KCNIP3: variants seen among roughly 807,000 people sequenced by gnomAD.
KCNIP3 encodes calsenilin.
In KCNIP3, 28 loss-of-function variants were observed where a neutral mutation model predicts 35.0. The ratio of observed to expected loss-of-function variants is 0.80; its 90% CI spans 0.59 to 1.10. The LOEUF is 1.10. Ranked by LOEUF, KCNIP3 falls within the 50% of genes least tolerant of loss-of-function variation. KCNIP3 has a pLI of 0.00. For missense variants in KCNIP3, 295 were observed against 338.4 expected, an observed-to-expected ratio of 0.87 and a Z score of 1.01; for synonymous variants, 134 against 133.8, an observed-to-expected ratio of 1.00 and a Z score of -0.01.
intron 2 of KCNIP3, among the ~76,000 whole-genome samples, chr2:95,346,063 C>T (rs1679348263): frequency 6.6e-6 from 1 of 152,278 alleles, no homozygotes; most frequent in Admixed American, 6.5e-5. Context: ...AAAGCCCACA[C>T]TTTCCCTAAA....
chr2:95,344,690 A>G (rs548888715), intron 2 of KCNIP3, among the ~76,000 whole-genome samples: 1 of 152,282 alleles, frequency 6.6e-6, no homozygotes, highest in East Asian at 1.9e-4. Context: ...GTCTCATCTG[A>G]CACGTGCCAC....
At chr2:95,350,771 TA>T (rs1156626905) in intron 2 of KCNIP3, among the ~76,000 whole-genome samples, 2 of 152,172 alleles carry the variant, frequency 1.3e-5, no homozygotes, top group Admixed American at 1.3e-4. Context: ...CTGGGAACTT[TA>T]AAAAATACCC....
chr2:95,343,801 T>C (rs950892312), intron 2 of KCNIP3, among the ~76,000 whole-genome samples: 3 of 152,186 alleles, frequency 2.0e-5, no homozygotes, highest in Admixed American at 1.3e-4. Flanking sequence ...GGTTGGCTTC[T>C]TGGAGACAGA....
chr2:95,364,877 G>A (rs1441246119), intron 2 of KCNIP3, among the ~76,000 whole-genome samples: 1 of 152,058 alleles, frequency 6.6e-6, no homozygotes, highest in Non-Finnish European at 1.5e-5. Flanking sequence ...TTGAGCCCAG[G>A]AGTTTGAGAC....
chr2:95,364,821 GA>G (rs1679881011), intron 2 of KCNIP3, among the ~76,000 whole-genome samples: 1 of 152,110 alleles, frequency 6.6e-6, no homozygotes, highest in Non-Finnish European at 1.5e-5. Flanking sequence ...AACCACAAGT[GA>G]AATAAACGTC....
intron 2 of KCNIP3, among the ~76,000 whole-genome samples, chr2:95,366,329 C>T (rs879788581): frequency 1.3e-5 from 2 of 152,172 alleles, no homozygotes; most frequent in Non-Finnish European, 2.9e-5. Context: ...GACTCTTTCA[C>T]GTCATTGCAT....
chr2:95,374,980 C>T (rs1234863216), intron 4 of KCNIP3, 63 bp downstream of exon 4: 5 of 1,557,482 alleles, frequency 3.2e-6, no homozygotes, highest in Non-Finnish European at 3.5e-6. Context: ...CCTCCTGCTG[C>T]CCCTTGCATC....
chr2:95,333,729 A>G (rs1678989865), intron 2 of KCNIP3, among the ~76,000 whole-genome samples: 1 of 152,208 alleles, frequency 6.6e-6, no homozygotes, highest in Non-Finnish European at 1.5e-5. Flanking sequence ...CACTGCTGCT[A>G]TCCATTATTA....
intron 2 of KCNIP3, chr2:95,347,159 C>G (rs7602807): frequency 0.74 from 1,150,668 of 1,545,190 alleles, 431,312 homozygotes; most frequent in African/African-American, 0.88. Flanking sequence ...CCGCCTCCGC[C>G]GCAGACCAGT....
At chr2:95,326,044 TATACACACACACATACACATTCACTC>T (rs1214178039) in intron 2 of KCNIP3, among the ~76,000 whole-genome samples, 2 of 147,550 alleles carry the variant, frequency 1.4e-5, no homozygotes, top group Non-Finnish European at 3.0e-5. Context: ...CATACACTCA[TATACACACACACATACACATTCACTC>T]ATACTAACAC....
At chr2:95,366,020 C>T (rs1237279043) in intron 2 of KCNIP3, among the ~76,000 whole-genome samples, 1 of 151,964 alleles carries the variant, frequency 6.6e-6, no homozygotes, top group Non-Finnish European at 1.5e-5. Context: ...GGGTCTCTGT[C>T]GCCCAGACTG....
intron 2 of KCNIP3, chr2:95,346,821 C>A (rs1306132398): frequency 2.0e-5 from 4 of 203,718 alleles, no homozygotes; most frequent in African/African-American, 9.5e-5. Flanking sequence ...GTCCAGCCTC[C>A]GGCCTGACCC....
At chr2:95,341,611 C>T (rs546266091) in intron 2 of KCNIP3, among the ~76,000 whole-genome samples, 1 of 152,194 alleles carries the variant, frequency 6.6e-6, no homozygotes, top group East Asian at 1.9e-4. Context: ...GTAAATATCA[C>T]CAAGTGACTC....
chr2:95,340,508 A>G (rs758782460), intron 2 of KCNIP3, among the ~76,000 whole-genome samples: 2 of 152,192 alleles, frequency 1.3e-5, no homozygotes, highest in African/African-American at 2.4e-5. Flanking sequence ...TGTAGAAGAG[A>G]GAAGAATGGG....
chr2:95,340,368 C>CAAT (rs1419841598), intron 2 of KCNIP3, among the ~76,000 whole-genome samples: 1 of 151,860 alleles, frequency 6.6e-6, no homozygotes, highest in Non-Finnish European at 1.5e-5. Context: ...CAAACAACAA[C>CAAT]AACAAAACCT....
intron 2 of KCNIP3, among the ~76,000 whole-genome samples, chr2:95,364,664 G>A (rs1679877766): frequency 6.6e-6 from 1 of 152,034 alleles, no homozygotes; most frequent in South Asian, 2.1e-4. Flanking sequence ...ACATTAAAGA[G>A]CCTGGCACCT....
chr2:95,333,509 G>A (rs1663315128), intron 2 of KCNIP3, among the ~76,000 whole-genome samples: 1 of 152,156 alleles, frequency 6.6e-6, no homozygotes, highest in Non-Finnish European at 1.5e-5. Context: ...ACCTAGCCTC[G>A]AAGAAGGGAA....
chr2:95,383,966 C>CGA lies in KCNIP3; in HGVS notation c.724-36_724-35insGA, dbSNP rs769291739. On this transcript the variant is annotated intron_variant, in intron 8 of 8. Transcript: ENST00000295225. ...AAGGGGGTCGGATTTGGAGCCCACC[C>CGA]AGCACCTGAAGGCCTCCCTTCCTCT... 3 of 1,603,826 alleles carry CGA rather than the reference C, an allele frequency of 1.9e-6. No individual in the cohort carries two copies. The African/African-American group carries it at 4.0e-5, about 21-fold the overall frequency.
At chr2:95,360,297 T>C (rs1418510039) in intron 2 of KCNIP3, among the ~76,000 whole-genome samples, 5 of 152,158 alleles carry the variant, frequency 3.3e-5, no homozygotes, top group Non-Finnish European at 7.3e-5. Context: ...TTTTCTCCAG[T>C]TTCCAATACC....
Sources: gnomAD v4.1 joint callset for allele counts (sites outside exome capture counted in the v4.1 genomes callset) on GRCh38, gnomAD v4.1.1 for gene constraint, MANE v1.5 for transcripts, NCBI Gene and HGNC (gene_info 2026-07-23, HGNC 2026-07-21) for gene names.